RNF150: variants seen among roughly 807,000 people sequenced by gnomAD.
RNF150 encodes the protein ring finger protein 150.
RNF150 carries 24 observed loss-of-function variants against 39.3 expected under a neutral mutation model. That is an observed-to-expected ratio of 0.61 (90% CI 0.44 to 0.86). The LOEUF (loss-of-function observed/expected upper bound fraction) is 0.86, where lower values mean the gene tolerates loss of function less well. Among genes scored for constraint, RNF150 ranks in the 40% least tolerant of loss-of-function variants. RNF150 has a pLI of 0.00. For missense variants in RNF150, 502 were observed against 587.8 expected (o/e 0.85, Z 1.51); for synonymous variants, 255 against 227.3 (o/e 1.12, Z -1.10).
intron 4 of RNF150, among the ~76,000 whole-genome samples, chr4:140,943,266 A>G (rs1307855227): frequency 2.0e-5 from 3 of 152,340 alleles, no homozygotes; most frequent in East Asian, 3.9e-4. Context: ...ATAATCTAAT[A>G]CCATTTCTAG....
At chr4:140,905,138 C>G (rs2111258943) in intron 6 of RNF150, among the ~76,000 whole-genome samples, 1 of 152,308 alleles carries the variant, frequency 6.6e-6, no homozygotes, top group African/African-American at 2.4e-5. Flanking sequence ...CCACTTTTCT[C>G]TGTGCTGCAG....
At chr4:141,185,870 A>C (rs1712664392) in intron 1 of RNF150, among the ~76,000 whole-genome samples, 1 of 152,194 alleles carries the variant, frequency 6.6e-6, no homozygotes, top group Non-Finnish European at 1.5e-5. Flanking sequence ...TTTGCATCCC[A>C]TGGATGAAGC....
At chr4:141,204,624 G>A (rs1478490413) in intron 1 of RNF150, among the ~76,000 whole-genome samples, 1 of 152,124 alleles carries the variant, frequency 6.6e-6, no homozygotes, top group Non-Finnish European at 1.5e-5. Context: ...TGAGGTTATT[G>A]TCAGGGGCAG....
At chr4:141,171,248 A>G (rs1040791877) in intron 1 of RNF150, among the ~76,000 whole-genome samples, 3 of 152,184 alleles carry the variant, frequency 2.0e-5, no homozygotes, top group Admixed American at 6.5e-5. Context: ...TAGCAGAATC[A>G]GGACTGGACC....
intron 1 of RNF150, among the ~76,000 whole-genome samples, chr4:141,075,498 C>T (rs1737860721): frequency 6.6e-6 from 1 of 152,194 alleles, no homozygotes; most frequent in Non-Finnish European, 1.5e-5. Flanking sequence ...AGCCTCTAAT[C>T]CCAGTCTATT....
At chr4:141,078,984 C>T (rs1308334350) in intron 1 of RNF150, among the ~76,000 whole-genome samples, 1 of 151,122 alleles carries the variant, frequency 6.6e-6, no homozygotes, top group Non-Finnish European at 1.5e-5. Context: ...AGCCTTTTTC[C>T]ACTTTAAATG....
intron 1 of RNF150, among the ~76,000 whole-genome samples, chr4:141,006,605 T>A (rs1365376055): frequency 6.6e-6 from 1 of 152,208 alleles, no homozygotes; most frequent in Non-Finnish European, 1.5e-5. Context: ...AAATCTGAAG[T>A]TGTGGCACTG....
intron 1 of RNF150, among the ~76,000 whole-genome samples, chr4:141,033,822 C>G (rs553561020): frequency 4.9e-4 from 75 of 152,030 alleles, no homozygotes; most frequent in African/African-American, 1.8e-3. Flanking sequence ...TAGATCTCAA[C>G]AGTGGGCTTA....
At chr4:141,075,596 C>A (rs116742079) in intron 1 of RNF150, among the ~76,000 whole-genome samples, 2,167 of 152,276 alleles carry the variant, frequency 0.014, 57 homozygotes, top group African/African-American at 0.049. Flanking sequence ...TTTCTTTTAA[C>A]ACAATTTTTA....
intron 6 of RNF150, 118 bp downstream of exon 6, chr4:140,911,026 A>G (rs17338203): frequency 0.1 from 83,082 of 797,574 alleles, 4,838 homozygotes; most frequent in Admixed American, 0.14. Context: ...TAACTGATGA[A>G]CCTAGCAATG....
At chr4:141,000,562 T>G (rs759171882) in intron 1 of RNF150, among the ~76,000 whole-genome samples, 1 of 152,202 alleles carries the variant, frequency 6.6e-6, no homozygotes, top group Non-Finnish European at 1.5e-5. Context: ...TTTGGAATAT[T>G]AAAAGTAAAT....
intron 1 of RNF150, among the ~76,000 whole-genome samples, chr4:140,988,473 A>C (rs1734082864): frequency 6.6e-6 from 1 of 152,060 alleles, no homozygotes; most frequent in South Asian, 2.1e-4. Flanking sequence ...TGTATTGTGA[A>C]AATATTCACA....
intron 1 of RNF150, among the ~76,000 whole-genome samples, chr4:141,029,332 C>T (rs934872293): frequency 1.3e-5 from 2 of 152,044 alleles, no homozygotes; most frequent in African/African-American, 4.8e-5. Flanking sequence ...TATATTTTTT[C>T]AAGAATCATG....
At chr4:141,037,495 T>C (rs1736190286) in intron 1 of RNF150, among the ~76,000 whole-genome samples, 1 of 152,184 alleles carries the variant, frequency 6.6e-6, no homozygotes, top group Admixed American at 6.6e-5. Context: ...CACTTTCTTC[T>C]GAAGGAAATG....
intron 1 of RNF150, among the ~76,000 whole-genome samples, chr4:141,022,949 T>C (rs1735553739): frequency 6.6e-6 from 1 of 152,202 alleles, no homozygotes; most frequent in Admixed American, 6.5e-5. Flanking sequence ...AGCTAAATTC[T>C]ATTTTTTCAA....
intron 6 of RNF150, among the ~76,000 whole-genome samples, chr4:140,884,102 T>G (rs1250706379): frequency 6.6e-6 from 1 of 152,190 alleles, no homozygotes; most frequent in Non-Finnish European, 1.5e-5. Flanking sequence ...TCAGTTACTG[T>G]AGTCTTCAAC....
intron 1 of RNF150, among the ~76,000 whole-genome samples, chr4:141,105,725 C>T (rs1739174015): frequency 6.6e-6 from 1 of 152,200 alleles, no homozygotes; most frequent in Non-Finnish European, 1.5e-5. Context: ...ATCATTTACT[C>T]ATTCAAAAAT....
chr4:141,197,488 G>A (rs1402228216), intron 1 of RNF150, among the ~76,000 whole-genome samples: 1 of 152,056 alleles, frequency 6.6e-6, no homozygotes, highest in Non-Finnish European at 1.5e-5. Flanking sequence ...GAATAACAAA[G>A]AAAATTAAGC....
chr4:140,906,931 A>G (rs1730399573), intron 6 of RNF150, among the ~76,000 whole-genome samples: 1 of 152,118 alleles, frequency 6.6e-6, no homozygotes, highest in East Asian at 1.9e-4. Flanking sequence ...GAGGTCAACA[A>G]TCTCCTTGAA....
Sources: allele counts gnomAD v4.1 joint callset (sites outside exome capture counted in the v4.1 genomes callset), GRCh38; gene constraint gnomAD v4.1.1; transcripts MANE v1.5; gene names NCBI Gene and HGNC (gene_info 2026-07-23, HGNC 2026-07-21).